The following AGBL4 variants were observed in gnomAD, a reference collection of about 807,000 sequenced individuals.
AGBL4 encodes AGBL carboxypeptidase 4.
AGBL4 carries 58 observed loss-of-function variants against 66.4 expected under a neutral mutation model. The observed-to-expected ratio is 0.87, with a 90% CI of 0.71 to 1.09. AGBL4 has a LOEUF of 1.09. AGBL4 is among the 50% of genes least tolerant of loss of function. AGBL4 has a pLI of 0.00. For synonymous variants in AGBL4, 234 were observed against 222.9 expected (o/e 1.05, Z -0.44); for missense variants, 579 against 631.0 (o/e 0.92, Z 0.88).
chr1:48,708,498 G>T (rs1344103845), intron 6 of AGBL4, among the ~76,000 whole-genome samples: 1 of 152,284 alleles, frequency 6.6e-6, no homozygotes, highest in East Asian at 1.9e-4. Flanking sequence ...AAGGACAGTG[G>T]GATGACAGGG....
At chr1:48,612,276 C>T (rs114681414) in intron 9 of AGBL4, among the ~76,000 whole-genome samples, 1,766 of 152,338 alleles carry the variant, frequency 0.012, 19 homozygotes, top group South Asian at 0.04. Context: ...CCAATTCTTA[C>T]GTCAGAGGAG....
At chr1:48,950,153 A>G (rs1227824316) in intron 5 of AGBL4, among the ~76,000 whole-genome samples, 1 of 152,096 alleles carries the variant, frequency 6.6e-6, no homozygotes, top group Non-Finnish European at 1.5e-5. Context: ...CTGGAGTGCA[A>G]TGGTGTGATC....
chr1:49,567,093 T>C (rs933670893), intron 3 of AGBL4, among the ~76,000 whole-genome samples: 64 of 152,190 alleles, frequency 4.2e-4, no homozygotes, highest in African/African-American at 1.5e-3. Context: ...CATAGGACCC[T>C]CCAAGCCAGA....
intron 5 of AGBL4, among the ~76,000 whole-genome samples, chr1:49,028,548 A>G (rs1663925617): frequency 6.6e-6 from 1 of 152,204 alleles, no homozygotes; most frequent in Non-Finnish European, 1.5e-5. Flanking sequence ...AGCTTAGCAC[A>G]AAGAGAATAT....
intron 2 of AGBL4, among the ~76,000 whole-genome samples, chr1:49,710,553 G>A (rs764377637): frequency 5.9e-5 from 9 of 151,802 alleles, no homozygotes; most frequent in East Asian, 1.9e-4. Flanking sequence ...AAACCTGCAC[G>A]TTCTGCACAT....
At chr1:49,393,762 T>G (rs1644899210) in intron 3 of AGBL4, among the ~76,000 whole-genome samples, 1 of 152,162 alleles carries the variant, frequency 6.6e-6, no homozygotes, top group South Asian at 2.1e-4. Context: ...GAGCTGTGTG[T>G]GAGTGAAGAC....
chr1:48,937,742 G>C (rs1001330364), intron 5 of AGBL4, among the ~76,000 whole-genome samples: 5 of 152,222 alleles, frequency 3.3e-5, no homozygotes, highest in Admixed American at 3.3e-4. Context: ...CAGTAAAATG[G>C]AGGCTTGTCA....
chr1:49,113,363 G>A (rs1645451373), intron 4 of AGBL4, among the ~76,000 whole-genome samples: 2 of 152,082 alleles, frequency 1.3e-5, no homozygotes, highest in Non-Finnish European at 2.9e-5. Context: ...TCATGCCTCA[G>A]CTTCCTGAGT....
intron 4 of AGBL4, among the ~76,000 whole-genome samples, chr1:49,076,503 GAAGTCTGGAA>G (rs1644712811): frequency 6.6e-6 from 1 of 152,112 alleles, no homozygotes; most frequent in Non-Finnish European, 1.5e-5. Flanking sequence ...CTAAGAAAAG[GAAGTCTGGAA>G]AAGTTTCCTG....
intron 3 of AGBL4, among the ~76,000 whole-genome samples, chr1:49,418,809 C>T (rs1448887867): frequency 1.3e-5 from 2 of 152,210 alleles, no homozygotes; most frequent in East Asian, 1.9e-4. Context: ...TCATTAACGG[C>T]ATGGTAGGCC....
chr1:49,437,763 T>C (rs902803779), intron 3 of AGBL4, among the ~76,000 whole-genome samples: 5 of 147,716 alleles, frequency 3.4e-5, no homozygotes, highest in Admixed American at 3.3e-4. Flanking sequence ...TTGTGGAAAT[T>C]ATTAGAAAAA....
intron 5 of AGBL4, among the ~76,000 whole-genome samples, chr1:49,041,638 C>T (rs555273603): frequency 6.6e-6 from 1 of 152,126 alleles, no homozygotes; most frequent in East Asian, 1.9e-4. Context: ...GATTATTTAC[C>T]CCCAAACTGG....
intron 4 of AGBL4, among the ~76,000 whole-genome samples, chr1:49,140,645 G>A (rs1646100014): frequency 1.3e-5 from 2 of 152,206 alleles, no homozygotes; most frequent in Non-Finnish European, 2.9e-5. Flanking sequence ...CAAAATATTT[G>A]ACAAAATTCC....
At chr1:49,481,906 T>C (rs74612778) in intron 3 of AGBL4, among the ~76,000 whole-genome samples, 2 of 151,458 alleles carry the variant, frequency 1.3e-5, no homozygotes, top group African/African-American at 2.4e-5. Flanking sequence ...TCTTTAGTTC[T>C]ATTTGTGTGA....
intron 5 of AGBL4, among the ~76,000 whole-genome samples, chr1:48,957,357 G>C (rs138322423): frequency 6.6e-6 from 1 of 152,102 alleles, no homozygotes; most frequent in African/African-American, 2.4e-5. Flanking sequence ...CAATGTGTAT[G>C]ATCTGACCAA....
At chr1:49,023,984 T>G (rs1663443373) in intron 5 of AGBL4, among the ~76,000 whole-genome samples, 1 of 152,124 alleles carries the variant, frequency 6.6e-6, no homozygotes, top group Admixed American at 6.6e-5. Context: ...GTTGTACCTT[T>G]CACTTTGAGA....
At chr1:49,837,689 C>CA (rs1177697043) in intron 2 of AGBL4, among the ~76,000 whole-genome samples, 3 of 152,024 alleles carry the variant, frequency 2.0e-5, no homozygotes, top group Non-Finnish European at 4.4e-5. Flanking sequence ...ACTAAAAATA[C>CA]AAAAAATTAG....
intron 3 of AGBL4, among the ~76,000 whole-genome samples, chr1:49,329,471 G>C (rs1467098311): frequency 1.3e-5 from 2 of 152,088 alleles, no homozygotes; most frequent in Admixed American, 1.3e-4. Flanking sequence ...TTCGAGATCA[G>C]CCTAGCCAAC....
At position 49,659,652 on chromosome 1, in the gene AGBL4, C is replaced by T. The variant is rs1044477936; in HGVS notation, c.282+37661G>A. 3.3e-5 allele frequency among the ~76,000 whole-genome samples: 5 copies of T among 152,138 alleles called. No individual in the cohort carries two copies. The East Asian group carries it at 9.6e-4, about 29-fold the overall frequency. On this transcript the variant is annotated intron_variant, in intron 3 of 13. Coordinates refer to ENST00000371839, the MANE Select transcript of AGBL4 (RefSeq NM_032785.4). ...CACAAAACAACTTCTTAGAGACCTA[C>T]AAAGAGACTTAGACTCACGCACAAC... is the stretch of plus-strand genomic sequence containing the variant.
Sources: gnomAD v4.1 joint callset for allele counts (sites outside exome capture counted in the v4.1 genomes callset) on GRCh38, gnomAD v4.1.1 for gene constraint, MANE v1.5 for transcripts, NCBI Gene and HGNC (gene_info 2026-07-23, HGNC 2026-07-21) for gene names.